Variants in DHRSX observed in about 807,000 individuals in gnomAD.
DHRSX encodes the protein dehydrogenase/reductase X-linked, also known as polyprenol dehydrogenase.
DHRSX carries 31 observed loss-of-function variants against 34.0 expected under a neutral mutation model. The observed-to-expected ratio is 0.91, with a 90% confidence interval of 0.69 to 1.23. The LOEUF (loss-of-function observed/expected upper bound fraction) is 1.23. Among genes scored for constraint, DHRSX ranks in the 50% most tolerant of loss-of-function variants. The probability of loss-of-function intolerance (pLI) is 0.00; values close to 1 mark genes in which losing one functional copy is unlikely to be tolerated. For missense variants in DHRSX, 414 were observed against 428.1 expected (o/e 0.97, Z 0.29); for synonymous variants, 201 against 183.8 (o/e 1.09, Z -0.76).
intron 1 of DHRSX, among the ~76,000 whole-genome samples, chrX:2,471,484 A>T (rs906842681): frequency 6.6e-6 from 1 of 151,934 alleles, no homozygotes; most frequent in African/African-American, 2.4e-5. Flanking sequence ...GAATTGCTCA[A>T]ACCCGGGAGA....
rs148862283 is a variant in DHRSX at position 2,347,942 on chromosome X, C to G, written c.287-56339G>C. 7.0e-3 allele frequency among the ~76,000 whole-genome samples: 1,063 copies of G among 152,208 alleles called. 12 individuals carry two copies. The highest frequency in any genetic ancestry group is 0.029 in the East Asian group (150 of 5,170). On this transcript the variant is annotated intron_variant, in intron 3 of 6. Transcript: ENST00000334651. ...ACTGCTGTCTTGGTAATGAACACCCCCTACATATCTGCTTCACTATAGAGC... is the reference window on the plus strand; with the variant it reads ...ACTGCTGTCTTGGTAATGAACACCCGCTACATATCTGCTTCACTATAGAGC...
intron 1 of DHRSX, among the ~76,000 whole-genome samples, chrX:2,496,432 C>T (rs2045286771): frequency 6.6e-6 from 1 of 152,120 alleles, no homozygotes; most frequent in East Asian, 1.9e-4. Flanking sequence ...CTCCTGAGCT[C>T]AGGCAATCCA....
At chrX:2,414,021 T>C (rs1353693204) in intron 2 of DHRSX, among the ~76,000 whole-genome samples, 1 of 151,662 alleles carries the variant, frequency 6.6e-6, no homozygotes, top group African/African-American at 2.4e-5. Flanking sequence ...CCTCATAACC[T>C]AACCAAACTA....
At chrX:2,433,602 C>T (rs1458911484) in intron 1 of DHRSX, among the ~76,000 whole-genome samples, 4 of 152,010 alleles carry the variant, frequency 2.6e-5, no homozygotes, top group African/African-American at 9.7e-5. Flanking sequence ...CCCCTCCCTG[C>T]GTCCCTGTGT....
rs376856091 is a variant in DHRSX, at chrX:2,490,003, G to A, written c.109+10814C>T. On this transcript the variant is annotated intron_variant, in intron 1 of 6. Transcript: ENST00000334651. Reference sequence around the variant, plus strand: ...TGATGGTCTCCGCCGTGTTCTCTTCGGGCACCTCGAAGGTCTTCAGGCAGC... The same window carrying A: ...TGATGGTCTCCGCCGTGTTCTCTTCAGGCACCTCGAAGGTCTTCAGGCAGC... 1.5e-5 allele frequency: 25 copies of A among 1,613,748 alleles called. No homozygotes were observed. The African/African-American group carries it at 1.6e-4, about 10-fold the overall frequency.
intron 3 of DHRSX, among the ~76,000 whole-genome samples, chrX:2,363,965 G>C (rs2042969632): frequency 7.0e-6 from 1 of 143,212 alleles, no homozygotes; most frequent in Non-Finnish European, 1.6e-5. Flanking sequence ...GAGGTGAAAG[G>C]AGACGGCTGG....
intron 5 of DHRSX, among the ~76,000 whole-genome samples, chrX:2,249,603 G>A (rs111373810): frequency 0.044 from 5,825 of 131,386 alleles, 523 homozygotes; most frequent in African/African-American, 0.16. Flanking sequence ...AGCTCACTGC[G>A]ACCTCCACCT....
intron 1 of DHRSX, among the ~76,000 whole-genome samples, chrX:2,479,748 G>T (rs997948666): frequency 6.7e-6 from 1 of 150,110 alleles, no homozygotes; most frequent in African/African-American, 2.5e-5. Flanking sequence ...CACTGAAGAC[G>T]TTCTCTAAGA....
intron 2 of DHRSX, among the ~76,000 whole-genome samples, chrX:2,419,348 C>A (rs190639776): frequency 2.8e-4 from 43 of 152,298 alleles, no homozygotes; most frequent in East Asian, 1.9e-4. Context: ...GGTCTTGGGA[C>A]TTCCAGCCTT....
chrX:2,230,851 C>T (rs765320724), intron 6 of DHRSX, among the ~76,000 whole-genome samples: 1 of 152,246 alleles, frequency 6.6e-6, no homozygotes, highest in Admixed American at 6.5e-5. Context: ...CCTACAATCC[C>T]AAGAGTCAAT....
At chrX:2,291,247 C>G (rs1472036603) in intron 4 of DHRSX, among the ~76,000 whole-genome samples, 2 of 152,128 alleles carry the variant, frequency 1.3e-5, no homozygotes, top group Admixed American at 6.6e-5. Flanking sequence ...ACCCTTTAGT[C>G]CAAGTGGACA....
rs868294165 is a variant in DHRSX, at chrX:2,378,795, C to T, written c.286+29950G>A. Among the ~76,000 whole-genome samples the T allele has an allele frequency of 1.1e-3, 172 of 152,062 alleles. 1 individual carries two copies. The highest frequency in any genetic ancestry group is 3.7e-3 in the African/African-American group (155 of 41,472). On this transcript the variant is annotated intron_variant, in intron 3 of 6. Transcript: ENST00000334651. The stretch of plus-strand genomic sequence containing the variant: ...AAGTGATTCTCCTACCTCAGCCCCC[C>T]GAGTAGCTGGGATTGCAGGTGCGCA...
chrX:2,443,778 G>A lies in DHRSX; in HGVS notation c.110-18474C>T, dbSNP rs745797444. Among the ~76,000 whole-genome samples, 17 of 152,206 alleles carry A rather than the reference G, an allele frequency of 1.1e-4. No homozygotes were observed. The East Asian group carries it at 1.9e-3, about 17-fold the overall frequency. On this transcript the variant is annotated intron_variant, in intron 1 of 6. Transcript: ENST00000334651. The stretch of plus-strand genomic sequence containing the variant: ...TCCCAGCACTTTGGGAGGCCGAGGC[G>A]GGCAGATCACGAGGTCAGGATATCG...
At chrX:2,344,367 G>A (rs1214455232) in intron 3 of DHRSX, among the ~76,000 whole-genome samples, 2 of 152,112 alleles carry the variant, frequency 1.3e-5, no homozygotes, top group Non-Finnish European at 1.5e-5. Flanking sequence ...GAGAGGATGT[G>A]GAGAAATAGG....
At chrX:2,369,120 G>A (rs1343943117) in intron 3 of DHRSX, among the ~76,000 whole-genome samples, 1 of 152,118 alleles carries the variant, frequency 6.6e-6, no homozygotes, top group Non-Finnish European at 1.5e-5. Flanking sequence ...CCTACCAAGG[G>A]GGAAAGAGCT....
chrX:2,307,119 T>C (rs1473073459), intron 3 of DHRSX, among the ~76,000 whole-genome samples: 1 of 152,092 alleles, frequency 6.6e-6, no homozygotes, highest in East Asian at 1.9e-4. Context: ...TACCGTAGAA[T>C]AGTATAGAGC....
At chrX:2,380,968 G>A (rs746031705) in intron 3 of DHRSX, among the ~76,000 whole-genome samples, 40 of 152,212 alleles carry the variant, frequency 2.6e-4, no homozygotes, top group African/African-American at 7.5e-4. Flanking sequence ...AGGTTCAAGC[G>A]ATTCTCCTGC....
At chrX:2,322,438 A>G (rs1292140294) in intron 3 of DHRSX, among the ~76,000 whole-genome samples, 1 of 151,552 alleles carries the variant, frequency 6.6e-6, no homozygotes, top group Non-Finnish European at 1.5e-5. Context: ...AGTGCCAGCT[A>G]CTCGGGAGGC....
At chrX:2,268,569 C>T (rs1764837377) in intron 4 of DHRSX, among the ~76,000 whole-genome samples, 1 of 151,682 alleles carries the variant, frequency 6.6e-6, no homozygotes, top group Non-Finnish European at 1.5e-5. Context: ...GTGTTCACGT[C>T]TTTACATGCA....
Sources: allele counts gnomAD v4.1 joint callset (sites outside exome capture counted in the v4.1 genomes callset), GRCh38; gene constraint gnomAD v4.1.1; transcripts MANE v1.5; gene names NCBI Gene and HGNC (gene_info 2026-07-23, HGNC 2026-07-21).